The following SOS1 variants were observed in gnomAD, a reference collection of about 807,000 sequenced individuals.
SOS1 encodes SOS Ras/Rac guanine nucleotide exchange factor 1.
A neutral mutation model predicts 157.6 loss-of-function variants in SOS1; 25 were observed. The observed-to-expected ratio is 0.16, with a 90% CI of 0.12 to 0.22. The LOEUF is 0.22. Ranked by LOEUF, SOS1 falls within the 10% of genes least tolerant of loss-of-function variation. The probability of loss-of-function intolerance (pLI) is 1.00; values close to 1 mark genes in which losing one functional copy is unlikely to be tolerated. For synonymous variants in SOS1, 528 were observed against 534.0 expected (o/e 0.99, Z 0.16); for missense variants, 1,237 against 1,599.1 (o/e 0.77, Z 3.86).
intron 20 of SOS1, among the ~76,000 whole-genome samples, chr2:38,990,547 T>C (rs1262767879): frequency 6.6e-6 from 1 of 152,166 alleles, no homozygotes; most frequent in Admixed American, 6.5e-5. Context: ...AGTATCTAGC[T>C]CTAGCGTTTA....
At chr2:39,082,476 G>A (rs1441542323) in intron 1 of SOS1, 3 of 150,928 alleles carry the variant, frequency 2.0e-5, no homozygotes, top group African/African-American at 7.4e-5. Flanking sequence ...GTTAATGAAA[G>A]AATAAAGAGA....
chr2:38,997,343 A>G lies in SOS1; in HGVS notation c.2874T>C (p.Phe958=). ...LKRHGKELIN[F]SKRRKVAEIT... is the part of the protein sequence containing the mutation. Reference sequence around the variant, plus strand: ...TTTCTGCTACTTTCCTCCTTTTGCTAAAGTTTATAAGCTCTTTTCCATGTC... The same window carrying G: ...TTTCTGCTACTTTCCTCCTTTTGCTGAAGTTTATAAGCTCTTTTCCATGTC... Residue 958 remains phenylalanine, a synonymous_variant, in exon 18 of 23, where the codon TTT becomes TTC. Coordinates refer to ENST00000402219, the MANE Select transcript of SOS1 (RefSeq NM_005633.4). The G allele has an allele frequency of 6.2e-7, 1 of 1,612,996 alleles. No homozygotes were observed. The highest frequency in any genetic ancestry group is 2.2e-5 in the East Asian group (1 of 44,774).
intron 2 of SOS1, among the ~76,000 whole-genome samples, chr2:39,062,930 T>C (rs763925758): frequency 2.0e-5 from 3 of 152,166 alleles, no homozygotes; most frequent in African/African-American, 4.8e-5. Context: ...CTTGAATGAA[T>C]TGGAATCAAC....
chr2:39,014,676 A>T, intron 11 of SOS1, 89 bp downstream of exon 11: 1 of 662,782 alleles, frequency 1.5e-6, no homozygotes, highest in Non-Finnish European at 2.7e-6. Flanking sequence ...TATATTTTAA[A>T]GCTCATCTAA....
At chr2:38,989,679 G>GA (rs1668667250) in intron 20 of SOS1, among the ~76,000 whole-genome samples, 1 of 151,930 alleles carries the variant, frequency 6.6e-6, no homozygotes, top group Admixed American at 6.6e-5. Flanking sequence ...TCAAACTTGT[G>GA]AAACAAGTAA....
intron 20 of SOS1, chr2:38,993,590 T>G (rs1374881153): frequency 1.3e-5 from 2 of 152,214 alleles, no homozygotes; most frequent in South Asian, 2.1e-4. Flanking sequence ...AGAATTATTT[T>G]AAGTATATTT....
intron 20 of SOS1, among the ~76,000 whole-genome samples, chr2:38,994,813 G>A (rs1165178646): frequency 6.6e-6 from 1 of 152,130 alleles, no homozygotes; most frequent in African/African-American, 2.4e-5. Flanking sequence ...TTTTAAGACT[G>A]ATCTTTGTCT....
intron 1 of SOS1, among the ~76,000 whole-genome samples, chr2:39,083,939 T>A (rs934101879): frequency 5.3e-5 from 8 of 152,118 alleles, no homozygotes; most frequent in African/African-American, 1.7e-4. Context: ...ATAAAGTCTT[T>A]AAAGAGGTAA....
chr2:39,122,053 A>C (rs934498540), upstream of SOS1, among the ~76,000 whole-genome samples: 2 of 152,212 alleles, frequency 1.3e-5, no homozygotes, highest in African/African-American at 4.8e-5. Flanking sequence ...GATCACATAA[A>C]CGAGAAAGGT....
At position 39,023,076 on chromosome 2, in the gene SOS1, G is replaced by A. The variant is rs730880218; in HGVS notation, c.1352C>T (p.Thr451Ile). 6.2e-7 allele frequency: 1 copy of A among 1,613,668 alleles called. No individual in the cohort carries two copies. The highest frequency in any genetic ancestry group is 1.6e-4 in the Middle Eastern group (1 of 6,062). Reference protein sequence around the residue: ...CNEFIMEGTLTRVGAKHERHI... With the variant: ...CNEFIMEGTLIRVGAKHERHI... ...TCTCTCATGTTTGGCTCCTACACGT[G>A]TAAGAGTTCCTTCCATTATAAATTC... Residue 451 changes from threonine to isoleucine, a missense_variant, in exon 10 of 23, where the codon ACA becomes ATA. Transcript: ENST00000402219.
At chr2:39,091,028 C>T (rs976780476) in intron 1 of SOS1, among the ~76,000 whole-genome samples, 7 of 152,104 alleles carry the variant, frequency 4.6e-5, no homozygotes, top group African/African-American at 1.7e-4. Context: ...GCCACCACAC[C>T]TGGCTAATTT....
chr2:39,078,789 C>T (rs1048084472), intron 1 of SOS1, among the ~76,000 whole-genome samples: 13 of 152,010 alleles, frequency 8.6e-5, no homozygotes, highest in South Asian at 2.1e-4. Flanking sequence ...TGGCCGGGCG[C>T]GGTGATTCAT....
At chr2:39,097,189 C>T (rs1672800688) in intron 1 of SOS1, among the ~76,000 whole-genome samples, 1 of 152,098 alleles carries the variant, frequency 6.6e-6, no homozygotes, top group Non-Finnish European at 1.5e-5. Flanking sequence ...TAAAAGAAAT[C>T]CAACAATTTA....
At chr2:39,105,105 T>C (rs1473858345) in intron 1 of SOS1, among the ~76,000 whole-genome samples, 1 of 152,170 alleles carries the variant, frequency 6.6e-6, no homozygotes, top group Non-Finnish European at 1.5e-5. Context: ...AAAACATCTA[T>C]GAATTAATTA....
chr2:39,060,516 C>CTCA (rs1671364696), intron 2 of SOS1, among the ~76,000 whole-genome samples: 1 of 152,190 alleles, frequency 6.6e-6, no homozygotes, highest in South Asian at 2.1e-4. Context: ...GACCACCACT[C>CTCA]TCAGGTTCAA....
At chr2:39,106,606 A>AC (rs1050212538) in intron 1 of SOS1, among the ~76,000 whole-genome samples, 2 of 148,594 alleles carry the variant, frequency 1.3e-5, no homozygotes, top group Non-Finnish European at 3.0e-5. Flanking sequence ...AAAAAACAAA[A>AC]AAAAAAACAA....
upstream of SOS1, among the ~76,000 whole-genome samples, chr2:39,123,566 C>A (rs1463858321): frequency 6.6e-6 from 1 of 152,076 alleles, no homozygotes; most frequent in African/African-American, 2.4e-5. Flanking sequence ...CTAGGTTGGC[C>A]AGGCTGGTCT....
intron 5 of SOS1, 118 bp downstream of exon 5, chr2:39,054,496 C>G (rs776723736): frequency 9.1e-6 from 6 of 659,484 alleles, no homozygotes; most frequent in South Asian, 5.4e-5. Context: ...TGAATTAAGT[C>G]CCACAACTTA....
At chr2:38,986,750 AT>A (rs1260329414) in intron 22 of SOS1, among the ~76,000 whole-genome samples, 1 of 151,988 alleles carries the variant, frequency 6.6e-6, no homozygotes, top group Admixed American at 6.6e-5. Flanking sequence ...TTTTACTTAA[AT>A]TTTTTTCCTC....
Sources: gnomAD v4.1 joint callset for allele counts (sites outside exome capture counted in the v4.1 genomes callset) on GRCh38, gnomAD v4.1.1 for gene constraint, MANE v1.5 for transcripts, NCBI Gene and HGNC (gene_info 2026-07-23, HGNC 2026-07-21) for gene names.